The following P4HA3 variants were observed in gnomAD, a reference collection of about 807,000 sequenced individuals.
P4HA3 encodes the protein prolyl 4-hydroxylase subunit alpha-3.
In P4HA3, 60 loss-of-function variants were observed where a neutral mutation model predicts 66.7. That is an observed-to-expected ratio of 0.90 (90% confidence interval 0.73 to 1.12). The LOEUF is 1.12. Among genes scored for constraint, P4HA3 ranks in the 50% most tolerant of loss-of-function variants. The pLI is 0.00. For missense variants in P4HA3, 683 were observed against 685.8 expected (o/e 1.00, Z 0.05); for synonymous variants, 263 against 274.6 (o/e 0.96, Z 0.42).
At chr11:74,290,879 G>C (rs558118652) in intron 4 of P4HA3, among the ~76,000 whole-genome samples, 1 of 152,182 alleles carries the variant, frequency 6.6e-6, no homozygotes, top group Non-Finnish European at 1.5e-5. Context: ...CAGGTAGTGT[G>C]ATGCCTCCAG....
At chr11:74,252,322 A>C (rs1311511728) in intron 15 of P4HA3, 2 of 390,204 alleles carry the variant, frequency 5.1e-6, no homozygotes, top group Non-Finnish European at 1.0e-5. Flanking sequence ...TCCTGGCCTC[A>C]AGTGATCCAC....
chr11:74,282,286 C>T (rs1231036367), intron 7 of P4HA3, among the ~76,000 whole-genome samples: 2 of 152,214 alleles, frequency 1.3e-5, no homozygotes, highest in Non-Finnish European at 2.9e-5. Flanking sequence ...GTGCTAAGCA[C>T]TGTGCTAGGC....
At chr11:74,274,521 G>T (rs559011918) in intron 9 of P4HA3, among the ~76,000 whole-genome samples, 9 of 150,872 alleles carry the variant, frequency 6.0e-5, no homozygotes, top group Non-Finnish European at 4.4e-5. Flanking sequence ...CACTGTGTTA[G>T]CCAGGATGGT....
At chr11:74,309,262 A>G (rs1278965755) in intron 1 of P4HA3, among the ~76,000 whole-genome samples, 1 of 152,224 alleles carries the variant, frequency 6.6e-6, no homozygotes, top group South Asian at 2.1e-4. Context: ...CAAGTGTAAT[A>G]CAAATCTATT....
intron 7 of P4HA3, among the ~76,000 whole-genome samples, chr11:74,280,344 G>C (rs1030791882): frequency 6.6e-6 from 1 of 151,994 alleles, no homozygotes. Flanking sequence ...TGTTTTTGTA[G>C]ATACGGGGTC....
chr11:74,253,473 T>C, intron 15 of P4HA3: 1 of 1,602,438 alleles, frequency 6.2e-7, no homozygotes, highest in Admixed American at 1.7e-5. Context: ...TTTTTCCTTC[T>C]CTTTCTGTTC....
chr11:74,309,905 C>G (rs2134841140), intron 1 of P4HA3, among the ~76,000 whole-genome samples: 2 of 152,342 alleles, frequency 1.3e-5, no homozygotes, highest in South Asian at 4.1e-4. Flanking sequence ...CTACATAGCT[C>G]TCTCTCACAG....
rs1860769773 is a variant in P4HA3, at chr11:74,285,728, A to G, written c.1110+81T>C. ...GGCTCTTTGAGGTGTCTAGTTGTTC[A>G]GGTTGCCTATTCTTACACTCCTGAA... is the stretch of plus-strand genomic sequence containing the variant. On this transcript the variant is annotated intron_variant, in intron 7 of 12. Transcript: ENST00000331597. 3.5e-6 allele frequency: 5 copies of G among 1,419,178 alleles called. No individual in the cohort carries two copies. In the East Asian group the frequency reaches 1.1e-4, roughly 33 times the overall value. The allele number at this position is 1,419,178 out of a possible 1,614,324, so 87.9% of individuals were successfully genotyped here.
chr11:74,310,365 CTA>C, intron 1 of P4HA3, among the ~76,000 whole-genome samples: 1 of 152,368 alleles, frequency 6.6e-6, no homozygotes, highest in South Asian at 2.1e-4. Context: ...TACCCCAAAA[CTA>C]TATTAGCTGA....
At chr11:74,281,821 G>A (rs1437792052) in intron 7 of P4HA3, among the ~76,000 whole-genome samples, 17 of 151,032 alleles carry the variant, frequency 1.1e-4, no homozygotes, top group African/African-American at 2.4e-4. Context: ...ACATGTATAC[G>A]TATGTAACTA....
At chr11:74,274,331 A>G (rs1005857150) in intron 9 of P4HA3, among the ~76,000 whole-genome samples, 7 of 138,580 alleles carry the variant, frequency 5.1e-5, no homozygotes, top group Admixed American at 1.5e-4. Context: ...TTTGAGATGG[A>G]GTCTCACTCT....
intron 9 of P4HA3, among the ~76,000 whole-genome samples, chr11:74,274,193 C>T (rs989296862): frequency 3.3e-5 from 5 of 152,128 alleles, no homozygotes; most frequent in Non-Finnish European, 7.4e-5. Context: ...AGGCAACCCA[C>T]TTATCTGCTT....
rs1861741973 is a variant in P4HA3, at chr11:74,311,405, C to T, written c.200+7G>A. On this transcript the variant is annotated splice_region_variant and intron_variant, in intron 1 of 12. Transcript: ENST00000331597. Reference sequence around the variant, plus strand: ...CCCTCGGTCGCTCCCACTCGTCGTGCCCTCACCTAGTCAGGTCCCGCAGCC... The same window carrying T: ...CCCTCGGTCGCTCCCACTCGTCGTGTCCTCACCTAGTCAGGTCCCGCAGCC... 1 of 1,505,004 alleles carries T rather than the reference C, an allele frequency of 6.6e-7. No homozygotes were observed. The highest frequency in any genetic ancestry group is 8.8e-7 in the Non-Finnish European group (1 of 1,134,800). 93.2% of individuals were successfully genotyped at this position (1,505,004 alleles called of 1,614,324 possible). A position where few individuals can be genotyped will look rare whatever the true frequency, so the allele number is the denominator to read the frequency against.
At chr11:74,275,547 C>G (rs896556330) in intron 9 of P4HA3, among the ~76,000 whole-genome samples, 11 of 152,194 alleles carry the variant, frequency 7.2e-5, no homozygotes, top group African/African-American at 2.2e-4. Flanking sequence ...TCTCCTTACA[C>G]TGGTACCACA....
At chr11:74,292,614 T>C (rs950382321) in intron 4 of P4HA3, among the ~76,000 whole-genome samples, 7 of 152,254 alleles carry the variant, frequency 4.6e-5, no homozygotes, top group Non-Finnish European at 8.8e-5. Context: ...CACACTGCTT[T>C]GAAGCTGTCC....
chr11:74,251,088 T>A lies in P4HA3; in HGVS notation c.*1319-3087A>T. 5 of 1,543,018 alleles carry A rather than the reference T, an allele frequency of 3.2e-6. No homozygotes were observed. In the East Asian group the frequency reaches 1.2e-4, roughly 38 times the overall value. On this transcript the variant is annotated intron_variant and NMD_transcript_variant, in intron 15 of 15. Coordinates refer to the P4HA3 transcript ENST00000524388. The stretch of plus-strand genomic sequence containing the variant: ...AACCCTGGATGTCACAGAAGACAAG[T>A]CTCTGAGTCTCAGCCTGCATTGCCT...
intron 15 of P4HA3, among the ~76,000 whole-genome samples, chr11:74,257,737 G>A (rs1859851551): frequency 7.9e-6 from 1 of 126,318 alleles, no homozygotes; most frequent in African/African-American, 3.0e-5. Context: ...TGTGTAGATG[G>A]ATTGGTGGGT....
chr11:74,309,919 T>C (rs1238991927), intron 1 of P4HA3, among the ~76,000 whole-genome samples: 1 of 152,192 alleles, frequency 6.6e-6, no homozygotes. Context: ...CTCACAGTCA[T>C]GGGGTCACAA....
At chr11:74,296,843 T>C (rs1229295263) in intron 4 of P4HA3, among the ~76,000 whole-genome samples, 3 of 152,118 alleles carry the variant, frequency 2.0e-5, no homozygotes, top group African/African-American at 7.2e-5. Flanking sequence ...CACCCCTTCC[T>C]ACATCACAGT....
Sources: gnomAD v4.1 joint callset for allele counts (sites outside exome capture counted in the v4.1 genomes callset) on GRCh38, gnomAD v4.1.1 for gene constraint, MANE v1.5 for transcripts, NCBI Gene and HGNC (gene_info 2026-07-23, HGNC 2026-07-21) for gene names.